Variants in REV1 observed in about 807,000 individuals in gnomAD.
REV1 encodes the protein REV1 DNA directed polymerase.
In REV1, 42 loss-of-function variants were observed where a neutral mutation model predicts 137.4. The observed-to-expected ratio is 0.31, with a 90% CI of 0.24 to 0.40. REV1 has a LOEUF of 0.40. Ranked by LOEUF, REV1 falls within the 10% of genes least tolerant of loss-of-function variation. The pLI, the probability that REV1 is intolerant of heterozygous loss-of-function variation, is 1.00. For missense variants in REV1, 1,282 were observed against 1,490.1 expected, an observed-to-expected ratio of 0.86 and a Z score of 2.30; for synonymous variants, 524 against 519.2, an observed-to-expected ratio of 1.01 and a Z score of -0.12.
intron 1 of REV1, among the ~76,000 whole-genome samples, chr2:99,483,857 C>T (rs1235494026): frequency 1.3e-5 from 2 of 152,138 alleles, no homozygotes; most frequent in African/African-American, 2.4e-5. Flanking sequence ...GCAAATGACT[C>T]TTGGGGTCTC....
chr2:99,478,402 C>T (rs925685236), intron 1 of REV1, among the ~76,000 whole-genome samples: 1 of 152,252 alleles, frequency 6.6e-6, no homozygotes. Context: ...TTCTACACAT[C>T]TCAAAGTCAG....
At chr2:99,466,813 G>A (rs1385416917) in intron 1 of REV1, among the ~76,000 whole-genome samples, 1 of 152,130 alleles carries the variant, frequency 6.6e-6, no homozygotes, top group African/African-American at 2.4e-5. Context: ...GGCAGGAGGA[G>A]CATGAATACC....
chr2:99,410,842 A>G lies in REV1; in HGVS notation c.2198T>C (p.Leu733Pro). The change falls in exon 14 of 23, where the codon CTG (leucine) becomes CCG (proline). Residue 733 changes from leucine (L) to proline (P), a missense_variant. Leu to Pro is a moderately conservative substitution (Grantham distance 98). Transcript: ENST00000258428. ...TQPKEAEAFLLSLSEEIQRRL... is the reference protein window; with the variant it reads ...TQPKEAEAFLPSLSEEIQRRL... ...TCTTTGAATTTCTTCTGAAAGACTC[A>G]GAAGAAAAGCTTCTGCCTCTTTTGG... The G allele has an allele frequency of 6.3e-7, 1 of 1,594,268 alleles. No homozygotes were observed. Among genetic ancestry groups the G allele is most frequent in the Non-Finnish European group, 8.5e-7 (1 of 1,175,102 alleles).
rs533630390 is a variant in REV1, at chr2:99,419,368, A to C, written c.1832-421T>G. 2.0e-5 allele frequency among the ~76,000 whole-genome samples: 3 copies of C among 151,834 alleles called. No individual in the cohort carries two copies. In the East Asian group the frequency reaches 5.8e-4, roughly 29 times the overall value. ...GCTGGGACTACAGGCGCCCACCACC[A>C]TGCCCGGCTAATTTTTCTGTATTTT... On this transcript the variant is annotated intron_variant, in intron 11 of 22. Coordinates refer to ENST00000258428, the MANE Select transcript of REV1 (RefSeq NM_016316.4).
chr2:99,459,878 G>A (rs1487632974), intron 3 of REV1, among the ~76,000 whole-genome samples: 1 of 152,176 alleles, frequency 6.6e-6, no homozygotes. Context: ...GGAAGGTATA[G>A]GGACTACGAA....
intron 14 of REV1, among the ~76,000 whole-genome samples, chr2:99,409,111 C>T (rs991392893): frequency 2.0e-5 from 3 of 152,118 alleles, no homozygotes; most frequent in African/African-American, 4.8e-5. Flanking sequence ...CCTGTCTCTA[C>T]ATAAATAAGT....
Position 99,419,037 on chromosome 2 carries a change from T to G in REV1, c.1832-90A>C, listed in dbSNP as rs184881350. The G allele has an allele frequency of 6.5e-6, 7 of 1,084,678 alleles. No individual in the cohort carries two copies. In the Admixed American group the frequency reaches 9.2e-5, roughly 14 times the overall value. 67.2% of individuals were successfully genotyped at this position (1,084,678 alleles called of 1,614,324 possible). ...CTCTTCATACAGGTTATCCATCAAG[T>G]TTCTAAAAACAATGAAAATAAATTT... On this transcript the variant is annotated intron_variant, in intron 11 of 22. Coordinates refer to ENST00000258428, the MANE Select transcript of REV1 (RefSeq NM_016316.4).
In REV1 at chr2:99,407,080, C is replaced by CTTTTTTTTTTTTTTTTTT. The variant is rs869170472; in HGVS notation, c.2449-608_2449-591dup. ...ACATAAAACTAAACCTACAAAGGTT[C>CTTTTTTTTTTTTTTTTTT]TTTTTTTTTTTTTTTTTTTTTTTTT... On this transcript the variant is annotated intron_variant, in intron 15 of 22. Coordinates refer to ENST00000258428, the MANE Select transcript of REV1 (RefSeq NM_016316.4). Among the ~76,000 whole-genome samples the CTTTTTTTTTTTTTTTTTT allele has an allele frequency of 1.3e-3, 77 of 60,046 alleles. 17 individuals are homozygous for CTTTTTTTTTTTTTTTTTT. Among genetic ancestry groups the CTTTTTTTTTTTTTTTTTT allele is most frequent in the African/African-American group, 1.9e-3 (30 of 15,550 alleles). The allele number at this position is 60,046 out of a possible 152,430, so 39.4% of individuals were successfully genotyped here.
At chr2:99,434,736 G>A (rs1680520884) in intron 7 of REV1, among the ~76,000 whole-genome samples, 1 of 152,094 alleles carries the variant, frequency 6.6e-6, no homozygotes, top group South Asian at 2.1e-4. Context: ...GTTTGATTTC[G>A]TACTGTAGGA....
chr2:99,450,629 C>T (rs900417836), intron 3 of REV1, among the ~76,000 whole-genome samples: 14 of 152,086 alleles, frequency 9.2e-5, no homozygotes, highest in African/African-American at 3.4e-4. Flanking sequence ...AATATTAGCA[C>T]TATTCAGTAG....
chr2:99,438,454 T>C, intron 6 of REV1, 147 bp downstream of exon 6: 3 of 611,284 alleles, frequency 4.9e-6, no homozygotes, highest in Non-Finnish European at 8.5e-6. Flanking sequence ...TAGCTTTCTA[T>C]GTTATGCTTA....
chr2:99,405,334 G>A (rs1676126967), intron 17 of REV1: 1 of 152,634 alleles, frequency 6.6e-6, no homozygotes, highest in African/African-American at 2.4e-5. Flanking sequence ...CGCCATACAA[G>A]CATATCAGCA....
chr2:99,474,895 C>T (rs1433162407), intron 1 of REV1, among the ~76,000 whole-genome samples: 1 of 149,090 alleles, frequency 6.7e-6, no homozygotes, highest in African/African-American at 2.5e-5. Context: ...GAGTGAGACT[C>T]CGTTTCAAAA....
chr2:99,407,960 G>T, intron 15 of REV1, 69 bp downstream of exon 15: 1 of 941,502 alleles, frequency 1.1e-6, no homozygotes, highest in South Asian at 2.0e-5. Flanking sequence ...TAACCCTTTT[G>T]AGAGCAAGCC....
chr2:99,427,306 T>C (rs940643529), intron 9 of REV1, among the ~76,000 whole-genome samples: 1 of 152,194 alleles, frequency 6.6e-6, no homozygotes, highest in Non-Finnish European at 1.5e-5. Context: ...AGAAATTATA[T>C]GACTTTAAAG....
intron 3 of REV1, among the ~76,000 whole-genome samples, chr2:99,455,270 T>C (rs1321686375): frequency 2.6e-5 from 4 of 152,202 alleles, no homozygotes. Context: ...TTCACAATCT[T>C]ATGAATTAGA....
At chr2:99,413,087 C>G in intron 12 of REV1, 136 bp from the exon 13 acceptor site, 1 of 665,474 alleles carries the variant, frequency 1.5e-6, no homozygotes, top group Non-Finnish European at 2.5e-6. Context: ...ATAACTGAAG[C>G]ATCCACAGGC....
chr2:99,442,709 C>A (rs539942764), intron 4 of REV1, among the ~76,000 whole-genome samples: 3 of 152,044 alleles, frequency 2.0e-5, no homozygotes, highest in Non-Finnish European at 4.4e-5. Flanking sequence ...TTAGTATTTA[C>A]CACCCTGTCA....
At chr2:99,436,805 C>A (rs1680811475) in intron 6 of REV1, 1 of 151,970 alleles carries the variant, frequency 6.6e-6, no homozygotes, top group South Asian at 2.1e-4. Context: ...GAAAAAGAAC[C>A]CTGGGCTTGT....
Sources: allele counts gnomAD v4.1 joint callset (sites outside exome capture counted in the v4.1 genomes callset), GRCh38; gene constraint gnomAD v4.1.1; transcripts MANE v1.5; gene names NCBI Gene and HGNC (gene_info 2026-07-23, HGNC 2026-07-21).